The following TENM1 variants were observed in gnomAD, a reference collection of about 807,000 sequenced individuals.
TENM1 encodes the protein teneurin-1.
A neutral mutation model predicts 174.8 loss-of-function variants in TENM1; 35 were observed. The ratio of observed to expected loss-of-function variants is 0.20; its 90% CI spans 0.15 to 0.27. The LOEUF (loss-of-function observed/expected upper bound fraction) is 0.27, where lower values mean the gene tolerates loss of function less well. Among genes scored for constraint, TENM1 ranks in the 10% least tolerant of loss-of-function variants. TENM1 has a pLI of 1.00. For missense variants in TENM1, 1,633 were observed against 2,130.1 expected (o/e 0.77, Z 4.59); for synonymous variants, 781 against 798.7 (o/e 0.98, Z 0.37).
the TENM1 span, among the ~76,000 whole-genome samples, chrX:125,065,384 A>T: frequency 8.9e-6 from 1 of 112,053 alleles, no homozygotes; most frequent in Non-Finnish European, 1.9e-5. Context: ...TCATCAAACA[A>T]GGGCAATTTT....
chrX:124,504,558 C>T (rs2047403478), intron 18 of TENM1, among the ~76,000 whole-genome samples: 1 of 111,608 alleles, frequency 9.0e-6, no homozygotes, highest in Non-Finnish European at 1.9e-5. Context: ...ATTTACAATG[C>T]TTTCTATCCT....
chrX:125,203,412 C>T, the TENM1 span, among the ~76,000 whole-genome samples: 6 of 112,396 alleles, frequency 5.3e-5, no homozygotes, highest in Non-Finnish European at 1.1e-4. Flanking sequence ...AGTGACTGGG[C>T]TCTGCGCGAG....
At chrX:124,870,509 A>G (rs1283368817) in intron 3 of TENM1, among the ~76,000 whole-genome samples, 2 of 111,981 alleles carry the variant, frequency 1.8e-5, no homozygotes, top group African/African-American at 6.5e-5. Context: ...AGAATGGGTC[A>G]AAGTAGACCT....
At chrX:125,116,645 G>A in the TENM1 span, among the ~76,000 whole-genome samples, 1 of 112,288 alleles carries the variant, frequency 8.9e-6, no homozygotes, top group Non-Finnish European at 1.9e-5. Context: ...GATCATCACT[G>A]GTCATTAGAG....
intron 4 of TENM1, among the ~76,000 whole-genome samples, chrX:124,717,208 A>G (rs769356698): frequency 9.0e-6 from 1 of 111,397 alleles, no homozygotes; most frequent in East Asian, 2.8e-4. Flanking sequence ...CATTCCATGG[A>G]ATATTATGCA....
chrX:124,871,285 C>T (rs187123705), intron 3 of TENM1, among the ~76,000 whole-genome samples: 11 of 112,002 alleles, frequency 9.8e-5, no homozygotes, highest in African/African-American at 3.6e-4. Flanking sequence ...AGCATAGAGA[C>T]CTGTTACAAG....
intron 1 of TENM1, among the ~76,000 whole-genome samples, chrX:124,957,741 T>C (rs981368682): frequency 3.6e-5 from 4 of 111,318 alleles, no homozygotes; most frequent in African/African-American, 1.3e-4. Flanking sequence ...CAGATTTAGA[T>C]GACAGAAATG....
chrX:124,448,737 G>A (rs958623504), intron 23 of TENM1, among the ~76,000 whole-genome samples: 1 of 111,682 alleles, frequency 9.0e-6, no homozygotes, highest in Non-Finnish European at 1.9e-5. Flanking sequence ...GTCTACTGTG[G>A]GAGACGGGTT....
chrX:124,637,260 T>C (rs2050901628), intron 11 of TENM1, among the ~76,000 whole-genome samples: 1 of 109,930 alleles, frequency 9.1e-6, no homozygotes, highest in African/African-American at 3.3e-5. Context: ...TGGCTAATTT[T>C]TGTATTTTTA....
chrX:124,807,878 T>TACACACAC (rs151254866), intron 3 of TENM1, among the ~76,000 whole-genome samples: 1 of 85,171 alleles, frequency 1.2e-5, no homozygotes, highest in Non-Finnish European at 2.3e-5. Flanking sequence ...GAAAATCACT[T>TACACACAC]ACACACACAC....
intron 25 of TENM1, among the ~76,000 whole-genome samples, chrX:124,413,497 G>A (rs189426653): frequency 8.9e-6 from 1 of 112,057 alleles, no homozygotes; most frequent in Non-Finnish European, 1.9e-5. Flanking sequence ...ACCATCGATA[G>A]TGCTTCTGGG....
At chrX:124,472,109 C>A (rs1355652385) in intron 22 of TENM1, among the ~76,000 whole-genome samples, 1 of 107,917 alleles carries the variant, frequency 9.3e-6, no homozygotes, top group Non-Finnish European at 1.9e-5. Context: ...GTCCCATCCC[C>A]CTTTAGTATG....
Position 124,649,983 on chromosome X carries a change from T to A in TENM1, c.1579+1931A>T. The stretch of plus-strand genomic sequence containing the variant: ...TTGGGAGGCTGAGGCGGGTGGATCA[T>A]CTGAGGTCAGGAGTTTGAGAGCAGC... On this transcript the variant is annotated intron_variant, in intron 8 of 31. Coordinates refer to ENST00000422452, the Ensembl canonical transcript of TENM1. Among the ~76,000 whole-genome samples the A allele has an allele frequency of 1.8e-5, 2 of 109,401 alleles. 1 individual carries two copies. The highest frequency in any genetic ancestry group is 8.5e-3 in the Middle Eastern group (2 of 235).
chrX:124,600,053 T>A (rs1357453499), intron 11 of TENM1, among the ~76,000 whole-genome samples: 1 of 110,070 alleles, frequency 9.1e-6, no homozygotes, highest in Non-Finnish European at 1.9e-5. Flanking sequence ...TATATATATA[T>A]AAATGTATGT....
At chrX:125,191,935 T>G in the TENM1 span, among the ~76,000 whole-genome samples, 221 of 106,949 alleles carry the variant, frequency 2.1e-3, no homozygotes, top group African/African-American at 6.6e-3. Context: ...TTTTTTTTTG[T>G]TTTTTTTTGT....
chrX:124,829,944 A>G lies in TENM1; in HGVS notation c.535+64352T>C, dbSNP rs192575490. Among the ~76,000 whole-genome samples the G allele has an allele frequency of 1.3e-3, 148 of 112,375 alleles. 1 individual carries two copies. The highest frequency in any genetic ancestry group is 4.6e-3 in the African/African-American group (143 of 30,954). On this transcript the variant is annotated intron_variant, in intron 3 of 31. Transcript: ENST00000422452. ...CTTTTGATAGTTCATAAAACCTGGG[A>G]AAAATTATTCAGCCCCCGTACCTCA...
chrX:124,978,553 T>C, the TENM1 span, among the ~76,000 whole-genome samples: 1 of 112,145 alleles, frequency 8.9e-6, no homozygotes, highest in Admixed American at 9.5e-5. Context: ...GCCTGGGCTA[T>C]ATCTGTGAAA....
At chrX:124,691,301 CAAAGA>C (rs763515960) in intron 5 of TENM1, among the ~76,000 whole-genome samples, 2 of 108,179 alleles carry the variant, frequency 1.8e-5, no homozygotes, top group Admixed American at 9.9e-5. Flanking sequence ...AAATTTGAGA[CAAAGA>C]AAAGAAAAAG....
At chrX:124,732,466 A>G (rs1018915706) in intron 4 of TENM1, among the ~76,000 whole-genome samples, 5 of 111,933 alleles carry the variant, frequency 4.5e-5, no homozygotes, top group African/African-American at 1.6e-4. Flanking sequence ...AGGGACAACC[A>G]TAGATGGCCA....
Sources: allele counts gnomAD v4.1 joint callset (sites outside exome capture counted in the v4.1 genomes callset), GRCh38; gene constraint gnomAD v4.1.1; transcripts MANE v1.5; gene names NCBI Gene and HGNC (gene_info 2026-07-23, HGNC 2026-07-21).